MECR: variants seen among roughly 807,000 people sequenced by gnomAD.
The protein encoded by MECR is mitochondrial trans-2-enoyl-CoA reductase, also known as enoyl-[acyl-carrier-protein] reductase, mitochondrial.
Under a neutral mutation model 49.1 loss-of-function variants are expected in MECR, and 37 were observed. The observed-to-expected ratio is 0.75, with a 90% CI of 0.58 to 0.99. The LOEUF (loss-of-function observed/expected upper bound fraction) is 0.99, where lower values mean the gene tolerates loss of function less well. Ranked by LOEUF, MECR falls within the 50% of genes least tolerant of loss-of-function variation. The probability of loss-of-function intolerance (pLI) is 0.00; values close to 1 mark genes in which losing one functional copy is unlikely to be tolerated. For missense variants in MECR, 470 were observed against 479.6 expected, an observed-to-expected ratio of 0.98 and a Z score of 0.19; for synonymous variants, 198 against 191.1, an observed-to-expected ratio of 1.04 and a Z score of -0.30.
downstream of MECR, among the ~76,000 whole-genome samples, chr1:29,189,044 A>G (rs1673074750): frequency 6.6e-6 from 1 of 151,844 alleles, no homozygotes. Context: ...AGTTCAAGCA[A>G]TTCTCCTGTC....
Position 29,206,836 on chromosome 1 carries a change from T to C in MECR, c.476A>G (p.Gln159Arg). Residue 159 changes from glutamine to arginine, a missense_variant, in exon 4 of 10, where the codon CAG becomes CGG. Gln to Arg is a conservative substitution (Grantham distance 43). Coordinates refer to ENST00000263702, the MANE Select transcript of MECR (RefSeq NM_016011.5). ...ATTGACACCCAGGGTGGCAGCGCTC[T>C]GAAGAGGGATGTCACTCGGAACTTG... ...LIQVPSDIPL[Q>R]SAATLGVNPC... is the part of the protein sequence containing the mutation. 1.2e-6 allele frequency: 2 copies of C among 1,614,210 alleles called. No homozygotes were observed. Among genetic ancestry groups the C allele is most frequent in the African/African-American group, 1.3e-5 (1 of 75,052 alleles).
chr1:29,196,130 CA>C, intron 8 of MECR, 67 bp downstream of exon 8: 1 of 1,604,106 alleles, frequency 6.2e-7, no homozygotes, highest in Non-Finnish European at 8.5e-7. Context: ...GCTGTCGTGC[CA>C]GGGGATGTGG....
chr1:29,225,450 G>GGT (rs528801720), intron 1 of MECR, among the ~76,000 whole-genome samples: 149 of 152,050 alleles, frequency 9.8e-4, no homozygotes, highest in African/African-American at 3.5e-3. Context: ...CCCCCTTCTG[G>GGT]GTGTCCACAG....
At chr1:29,225,986 T>C (rs1037848718) in intron 1 of MECR, among the ~76,000 whole-genome samples, 3 of 151,982 alleles carry the variant, frequency 2.0e-5, no homozygotes, top group Non-Finnish European at 2.9e-5. Context: ...CTGGCCAACA[T>C]GGCGAAACCC....
chr1:29,181,962 G>C, the MECR span: 3 of 397,020 alleles, frequency 7.6e-6, no homozygotes, highest in Non-Finnish European at 8.8e-6. Flanking sequence ...TAACCGGAGA[G>C]AGCGCGCGTT....
In MECR at chr1:29,216,603, T is replaced by C. The variant is rs754149483; in HGVS notation, c.259A>G (p.Ile87Val). The C allele has an allele frequency of 7.4e-6, 12 of 1,614,038 alleles. No individual in the cohort carries two copies. The highest frequency in any genetic ancestry group is 1.7e-5 in the Admixed American group (1 of 60,006). ...CCAAGGTTACCTTGGATCATATTTA[T>C]GTCAGATGGATTGATAGGGGCCGCC... The part of the protein sequence containing the change: ...MLAAPINPSD[I>V]NMIQGNYGFL... Residue 87 changes from isoleucine to valine, a missense_variant, in exon 2 of 10, where the codon ATA (isoleucine) becomes GTA (valine). By Grantham distance (29) the Ile-to-Val change is conservative. Coordinates refer to ENST00000263702, the MANE Select transcript of MECR (RefSeq NM_016011.5).
chr1:29,177,557 C>T, the MECR span, among the ~76,000 whole-genome samples: 63 of 152,260 alleles, frequency 4.1e-4, no homozygotes, highest in Admixed American at 3.7e-3. Context: ...GCCGGGGTTA[C>T]AGGTGTGAGC....
Position 29,194,097 on chromosome 1 carries a change from C to A in MECR, c.1047G>T (p.Pro349=), listed in dbSNP as rs766467588. The A allele has an allele frequency of 1.6e-5, 26 of 1,613,986 alleles. No individual in the cohort carries two copies. In the East Asian group the frequency reaches 4.7e-4, roughly 29 times the overall value. The change falls in exon 10 of 10, where the codon CCG becomes CCT. Residue 349 remains proline (P), a synonymous_variant. Transcript: ENST00000263702. Reference sequence around the variant, plus strand: ...CCAAGGCAGACTGGTAGTCCTGCAGCGGGACCTGGGAGCAGGCAGGGGCTG... The same window carrying A: ...CCAAGGCAGACTGGTAGTCCTGCAGAGGGACCTGGGAGCAGGCAGGGGCTG... ...QLTAPACSQV[P]LQDYQSALEA...
At chr1:29,211,051 C>A (rs1309005021) in intron 3 of MECR, among the ~76,000 whole-genome samples, 2 of 151,602 alleles carry the variant, frequency 1.3e-5, no homozygotes, top group Non-Finnish European at 2.9e-5. Context: ...GGCCTGTGGG[C>A]TAAATCTGCC....
At chr1:29,181,624 G>A in the MECR span, 1 of 1,567,712 alleles carries the variant, frequency 6.4e-7, no homozygotes, top group Non-Finnish European at 8.6e-7. Context: ...CGCCCGGCCG[G>A]ACCCTCTTTC....
intron 3 of MECR, among the ~76,000 whole-genome samples, chr1:29,213,902 T>A (rs1297907197): frequency 6.6e-6 from 1 of 151,966 alleles, no homozygotes; most frequent in East Asian, 1.9e-4. Flanking sequence ...ACAAAGAGAG[T>A]GGCCAATAAA....
chr1:29,218,033 C>T (rs1679902070), intron 1 of MECR, among the ~76,000 whole-genome samples: 1 of 152,154 alleles, frequency 6.6e-6, no homozygotes, highest in Non-Finnish European at 1.5e-5. Flanking sequence ...ATTTGTAAAA[C>T]AGAGTTGCAG....
At chr1:29,195,140 C>CA (rs953887078) in intron 9 of MECR, among the ~76,000 whole-genome samples, 23 of 152,046 alleles carry the variant, frequency 1.5e-4, no homozygotes, top group African/African-American at 5.1e-4. Flanking sequence ...CCCAAAACAG[C>CA]AAAAAAACCC....
intron 4 of MECR, among the ~76,000 whole-genome samples, chr1:29,205,802 G>A (rs1676433650): frequency 6.6e-6 from 1 of 152,056 alleles, no homozygotes; most frequent in Non-Finnish European, 1.5e-5. Flanking sequence ...TCAAGCCGGG[G>A]CGACAGAGCA....
chr1:29,174,267 T>A, the MECR span, among the ~76,000 whole-genome samples: 8 of 152,190 alleles, frequency 5.3e-5, no homozygotes, highest in Admixed American at 2.6e-4. Flanking sequence ...AATATTAATT[T>A]ACCGAGTAAT....
intron 1 of MECR, chr1:29,223,098 C>A: frequency 1.0e-6 from 1 of 985,420 alleles, no homozygotes; most frequent in Non-Finnish European, 1.2e-6. Context: ...AAATGAGGCA[C>A]CCAACCCAGC....
At chr1:29,181,788 GC>G in the MECR span, 38 of 1,526,090 alleles carry the variant, frequency 2.5e-5, no homozygotes, top group Non-Finnish European at 3.2e-5. Flanking sequence ...CCCGGCCCCA[GC>G]CCCCCTTAGG....
the MECR span, chr1:29,171,396 A>G: frequency 4.0e-5 from 6 of 148,398 alleles, no homozygotes; most frequent in Admixed American, 3.4e-4. Flanking sequence ...TTGAATGTCA[A>G]TGCCCACATG....
the MECR span, chr1:29,171,781 C>T: frequency 6.6e-6 from 1 of 152,230 alleles, no homozygotes; most frequent in African/African-American, 2.4e-5. Flanking sequence ...AGTCTATATC[C>T]TGTGCCTATC....
Sources: gnomAD v4.1 joint callset for allele counts (sites outside exome capture counted in the v4.1 genomes callset) on GRCh38, gnomAD v4.1.1 for gene constraint, MANE v1.5 for transcripts, NCBI Gene and HGNC (gene_info 2026-07-23, HGNC 2026-07-21) for gene names.